Variants in TGM3 observed in about 807,000 individuals in gnomAD.
TGM3 encodes the protein transglutaminase 3, also known as protein-glutamine gamma-glutamyltransferase E.
Under a neutral mutation model 73.8 loss-of-function variants are expected in TGM3, and 52 were observed. The observed-to-expected ratio is 0.70, with a 90% CI of 0.56 to 0.89. The LOEUF (loss-of-function observed/expected upper bound fraction) is 0.89, where lower values mean the gene tolerates loss of function less well. Among genes scored for constraint, TGM3 ranks in the 40% least tolerant of loss-of-function variants. The probability of loss-of-function intolerance (pLI) is 0.00; values close to 1 mark genes in which losing one functional copy is unlikely to be tolerated. For missense variants in TGM3, 928 were observed against 909.9 expected, an observed-to-expected ratio of 1.02 and a Z score of -0.26; for synonymous variants, 372 against 354.9, an observed-to-expected ratio of 1.05 and a Z score of -0.54.
chr20:2,332,408 A>G lies in TGM3; in HGVS notation c.1642+98A>G. 1.6e-6 allele frequency: 2 copies of G among 1,218,194 alleles called. No individual in the cohort carries two copies. Among genetic ancestry groups the G allele is most frequent in the Non-Finnish European group, 2.2e-6 (2 of 895,728 alleles). The allele number at this position is 1,218,194 out of a possible 1,614,324, so 75.5% of individuals were successfully genotyped here. A position where few individuals can be genotyped will look rare whatever the true frequency, so the allele number is the denominator to read the frequency against. On this transcript the variant is annotated intron_variant, in intron 10 of 12. Transcript: ENST00000381458. The surrounding 1 kb of genome is among the most constrained non-coding windows in gnomAD (Gnocchi z 4.4). ...CTGCTGGGCTCCAGGTTAGTCAGCT[A>G]CGAATGGAGCAGCCAGCGGCCCCTG...
chr20:2,326,923 A>G (rs1464190940), intron 8 of TGM3, among the ~76,000 whole-genome samples: 1 of 152,160 alleles, frequency 6.6e-6, no homozygotes, highest in Non-Finnish European at 1.5e-5. Context: ...AAAAGGACTA[A>G]CAATAAAACT....
chr20:2,339,958 C>T lies in TGM3; in HGVS notation c.1905C>T (p.Ser635=), dbSNP rs746440243. Reference sequence around the variant, plus strand: ...ACTGCGTGCTGATGGTGGAGGGAAGCGGCCTGCTGTTGGGTAACCTGAAGA... The same window carrying T: ...ACTGCGTGCTGATGGTGGAGGGAAGTGGCCTGCTGTTGGGTAACCTGAAGA... ...VRDCVLMVEG[S]GLLLGNLKID... Residue 635 remains serine (S), a synonymous_variant, in exon 12 of 13, where the codon AGC becomes AGT. Coordinates refer to ENST00000381458, the MANE Select transcript of TGM3 (RefSeq NM_003245.4). The T allele has an allele frequency of 6.4e-6, 9 of 1,397,690 alleles. No homozygotes were observed. The highest frequency in any genetic ancestry group is 5.8e-5 in the Admixed American group (3 of 51,480). 86.6% of individuals were successfully genotyped at this position (1,397,690 alleles called of 1,614,324 possible).
chr20:2,332,120 C>T lies in TGM3; in HGVS notation c.1452C>T (p.Ile484=), dbSNP rs149539401. 821 of 1,614,194 alleles carry T rather than the reference C, an allele frequency of 5.1e-4. 2 individuals carry two copies. Among genetic ancestry groups the T allele is most frequent in the African/African-American group, 4.9e-3 (368 of 75,052 alleles). ...CAGAGGAACAGGAGCCCAGCATCAT[C>T]GGGAAGCTGAAGGTCGCTGGCATGC... is the stretch of plus-strand genomic sequence containing the variant. ...LETEEQEPSI[I]GKLKVAGMLA... is the part of the protein sequence containing the mutation. The change falls in exon 10 of 13, where the codon ATC becomes ATT. Residue 484 remains isoleucine, a synonymous_variant. Transcript: ENST00000381458. The surrounding 1 kb of genome is among the most constrained non-coding windows in gnomAD (Gnocchi z 4.4).
Position 2,332,165 on chromosome 20 carries a change from C to T in TGM3, c.1497C>T (p.Val499=), listed in dbSNP as rs1204774312. Residue 499 remains valine, a synonymous_variant, in exon 10 of 13, where the codon GTC becomes GTT. Transcript: ENST00000381458. The surrounding 1 kb of genome is among the most constrained non-coding windows in gnomAD (Gnocchi z 4.4). ...VAGMLAVGKE[V]NLVLLLKNLS... is the part of the protein sequence containing the mutation. The stretch of plus-strand genomic sequence containing the variant: ...GCATGCTGGCAGTAGGCAAAGAAGT[C>T]AACCTGGTCCTACTGCTCAAAAACC... 6.2e-7 allele frequency: 1 copy of T among 1,614,010 alleles called. No homozygotes were observed. Among genetic ancestry groups the T allele is most frequent in the Admixed American group, 1.7e-5 (1 of 59,980 alleles).
intron 5 of TGM3, among the ~76,000 whole-genome samples, 185 bp downstream of exon 5, chr20:2,313,211 T>A (rs1029367350): frequency 1.3e-5 from 2 of 152,212 alleles, no homozygotes; most frequent in African/African-American, 2.4e-5. Context: ...AGGGCTTGCC[T>A]GAGGCACACA....
chr20:2,336,059 C>T (rs1373712265), intron 11 of TGM3, among the ~76,000 whole-genome samples: 1 of 152,224 alleles, frequency 6.6e-6, no homozygotes, highest in Admixed American at 6.5e-5. Context: ...GCTTCCTTTA[C>T]TTTGCAGCAT....
intron 8 of TGM3, among the ~76,000 whole-genome samples, chr20:2,326,386 G>C (rs2084288141): frequency 6.6e-6 from 1 of 152,226 alleles, no homozygotes; most frequent in South Asian, 2.1e-4. Flanking sequence ...GGCTGCCTCT[G>C]CCATCCCTAT....
At chr20:2,337,368 G>T (rs991050490) in intron 11 of TGM3, among the ~76,000 whole-genome samples, 1 of 152,148 alleles carries the variant, frequency 6.6e-6, no homozygotes. Context: ...ATGATACTGG[G>T]TGGCTGCCAG....
chr20:2,315,763 C>G (rs191881798), intron 5 of TGM3, among the ~76,000 whole-genome samples: 48 of 152,320 alleles, frequency 3.2e-4, no homozygotes, highest in Admixed American at 5.2e-4. Flanking sequence ...ATTCCCTTCC[C>G]TATTGGAAGG....
chr20:2,340,376 C>G, intron 12 of TGM3, 58 bp from the exon 13 acceptor site: 3 of 1,602,068 alleles, frequency 1.9e-6, no homozygotes, highest in Non-Finnish European at 2.6e-6. Context: ...ACAGGAGGCC[C>G]GTCCAGCCCA....
intron 4 of TGM3, among the ~76,000 whole-genome samples, chr20:2,312,635 C>G (rs2084212263): frequency 6.6e-6 from 1 of 151,982 alleles, no homozygotes; most frequent in South Asian, 2.1e-4. Context: ...TATTTATTAT[C>G]CTTTTCTGTC....
chr20:2,324,520 G>C (rs1461895889), intron 7 of TGM3, among the ~76,000 whole-genome samples: 3 of 152,312 alleles, frequency 2.0e-5, no homozygotes, highest in African/African-American at 7.2e-5. Context: ...CATGCAAACT[G>C]TCTCCCTTGC....
intron 10 of TGM3, among the ~76,000 whole-genome samples, chr20:2,333,242 G>A (rs1206713014): frequency 3.3e-5 from 5 of 152,162 alleles, no homozygotes; most frequent in African/African-American, 1.2e-4. Context: ...ACTGAGAGGT[G>A]TCACACCTGT....
intron 1 of TGM3, among the ~76,000 whole-genome samples, chr20:2,303,226 G>A (rs550865672): frequency 9.9e-5 from 15 of 152,130 alleles, no homozygotes; most frequent in African/African-American, 1.2e-4. Flanking sequence ...ACTTGAACCC[G>A]GAAGGCGGAG....
intron 1 of TGM3, among the ~76,000 whole-genome samples, chr20:2,308,220 C>T (rs1432405738): frequency 6.6e-6 from 1 of 152,078 alleles, no homozygotes; most frequent in Non-Finnish European, 1.5e-5. Context: ...CAGACTCTGC[C>T]TCAAAAATAA....
At chr20:2,315,515 C>T (rs2084228633) in intron 5 of TGM3, among the ~76,000 whole-genome samples, 1 of 152,220 alleles carries the variant, frequency 6.6e-6, no homozygotes, top group African/African-American at 2.4e-5. Flanking sequence ...CAAGGCTGGG[C>T]ATGGCCTGTC....
chr20:2,323,681 A>T lies in TGM3; in HGVS notation c.984-2168A>T, dbSNP rs193082055. On this transcript the variant is annotated intron_variant, in intron 7 of 12. Coordinates refer to ENST00000381458, the MANE Select transcript of TGM3 (RefSeq NM_003245.4). ...TTTAAACTCCCACCAGTGGGGTATG[A>T]CAGTGCTTGTTTTCCCACCTGGAAA... 2.6e-5 allele frequency among the ~76,000 whole-genome samples: 4 copies of T among 152,350 alleles called. No homozygotes were observed. The East Asian group carries it at 7.7e-4, about 29-fold the overall frequency.
chr20:2,331,026 A>G (rs45518843), intron 9 of TGM3, among the ~76,000 whole-genome samples: 560 of 148,262 alleles, frequency 3.8e-3, no homozygotes, highest in African/African-American at 0.013. Flanking sequence ...AAAAAAAAAA[A>G]AGAGAGAGAA....
At chr20:2,301,985 G>A (rs1415703526) in intron 1 of TGM3, among the ~76,000 whole-genome samples, 1 of 152,218 alleles carries the variant, frequency 6.6e-6, no homozygotes, top group Non-Finnish European at 1.5e-5. Flanking sequence ...ACAGGTGTGA[G>A]CCACCGTGCC....
Sources: gnomAD v4.1 joint callset for allele counts (sites outside exome capture counted in the v4.1 genomes callset) on GRCh38, gnomAD v4.1.1 for gene constraint, Gnocchi (gnomAD v3.1) non-coding constraint, MANE v1.5 for transcripts, NCBI Gene and HGNC (gene_info 2026-07-23, HGNC 2026-07-21) for gene names.